ZNF385D: variants seen among roughly 807,000 people sequenced by gnomAD.
ZNF385D encodes zinc finger protein 385D, also known as zinc finger protein 659.
A neutral mutation model predicts 35.8 loss-of-function variants in ZNF385D; 15 were observed. That is an observed-to-expected ratio of 0.42 (90% CI 0.28 to 0.64). The LOEUF is 0.64. Among genes scored for constraint, ZNF385D ranks in the 30% least tolerant of loss-of-function variants. ZNF385D has a pLI of 0.23. For synonymous variants in ZNF385D, 212 were observed against 186.8 expected (o/e 1.13, Z -1.10); for missense variants, 474 against 494.6 (o/e 0.96, Z 0.39).
chr3:22,099,313 G>A (rs1247034943), intron 3 of ZNF385D, among the ~76,000 whole-genome samples: 1 of 152,068 alleles, frequency 6.6e-6, no homozygotes. Context: ...ATAACTTGAG[G>A]AAAGGGCTGA....
chr3:22,046,915 T>C (rs1275074588), intron 3 of ZNF385D, among the ~76,000 whole-genome samples: 1 of 152,144 alleles, frequency 6.6e-6, no homozygotes, highest in Non-Finnish European at 1.5e-5. Flanking sequence ...TATACTATAC[T>C]ATATAAGATT....
At chr3:21,930,353 T>TA (rs1700943150) in intron 3 of ZNF385D, among the ~76,000 whole-genome samples, 1 of 148,426 alleles carries the variant, frequency 6.7e-6, no homozygotes, top group Non-Finnish European at 1.5e-5. Context: ...GAAGAATATA[T>TA]AAAAGAACTT....
chr3:22,147,684 A>AATG (rs1704948209), intron 3 of ZNF385D, among the ~76,000 whole-genome samples: 2 of 152,214 alleles, frequency 1.3e-5, no homozygotes, highest in South Asian at 4.1e-4. Flanking sequence ...AGTCAAGGAT[A>AATG]CTGAGGCCCA....
chr3:21,767,811 G>A (rs890736542), intron 3 of ZNF385D, among the ~76,000 whole-genome samples: 1 of 151,910 alleles, frequency 6.6e-6, no homozygotes. Context: ...CCGTTCTTTT[G>A]GAACGCTTTA....
intron 3 of ZNF385D, among the ~76,000 whole-genome samples, chr3:21,980,826 C>A (rs1381926635): frequency 1.3e-5 from 2 of 152,106 alleles, no homozygotes; most frequent in African/African-American, 4.8e-5. Context: ...ATTTGGTTTT[C>A]TGTTCTTGAG....
intron 3 of ZNF385D, among the ~76,000 whole-genome samples, chr3:21,814,999 T>C (rs1410827166): frequency 6.6e-6 from 1 of 152,142 alleles, no homozygotes; most frequent in Non-Finnish European, 1.5e-5. Flanking sequence ...GACCACAGTG[T>C]AGTCAAATTA....
intron 2 of ZNF385D, among the ~76,000 whole-genome samples, chr3:22,218,100 A>G (rs1164509336): frequency 6.6e-6 from 1 of 152,138 alleles, no homozygotes; most frequent in Non-Finnish European, 1.5e-5. Flanking sequence ...AACTTCATAT[A>G]AATCATTCAA....
At chr3:22,025,723 T>G (rs778176126) in intron 3 of ZNF385D, among the ~76,000 whole-genome samples, 5 of 152,122 alleles carry the variant, frequency 3.3e-5, no homozygotes, top group Non-Finnish European at 5.9e-5. Flanking sequence ...ATCCAAAGGC[T>G]TAGGGAGATT....
At chr3:22,328,127 T>A (rs1694763076) in intron 2 of ZNF385D, among the ~76,000 whole-genome samples, 1 of 152,166 alleles carries the variant, frequency 6.6e-6, no homozygotes, top group South Asian at 2.1e-4. Context: ...CTTATTCCAT[T>A]TACATACAGT....
intron 2 of ZNF385D, among the ~76,000 whole-genome samples, chr3:22,291,926 C>T (rs1010805999): frequency 9.2e-5 from 14 of 151,910 alleles, no homozygotes; most frequent in Admixed American, 8.5e-4. Flanking sequence ...TTATCTTTCT[C>T]TTATTTTGGT....
intron 3 of ZNF385D, among the ~76,000 whole-genome samples, chr3:22,009,764 G>A (rs1379607308): frequency 1.3e-5 from 2 of 152,170 alleles, no homozygotes; most frequent in Middle Eastern, 3.4e-3. Flanking sequence ...CTGGATAGTA[G>A]TCACTTCTGG....
chr3:22,047,586 G>T (rs1449176344), intron 3 of ZNF385D, among the ~76,000 whole-genome samples: 1 of 152,126 alleles, frequency 6.6e-6, no homozygotes, highest in Non-Finnish European at 1.5e-5. Context: ...TTTCCTTCCT[G>T]TTTAATGCTG....
intron 3 of ZNF385D, among the ~76,000 whole-genome samples, chr3:22,032,722 G>C (rs931439096): frequency 6.6e-6 from 1 of 152,144 alleles, no homozygotes; most frequent in Non-Finnish European, 1.5e-5. Context: ...TTAGGTAAAT[G>C]GTAACTTATG....
intron 2 of ZNF385D, among the ~76,000 whole-genome samples, chr3:22,331,857 T>G (rs1323237241): frequency 1.3e-5 from 2 of 152,186 alleles, no homozygotes; most frequent in Non-Finnish European, 2.9e-5. Context: ...CTGACATCAT[T>G]TGAGTTTAGG....
chr3:21,451,348 T>A (rs111976576), intron 4 of ZNF385D, among the ~76,000 whole-genome samples: 5 of 152,128 alleles, frequency 3.3e-5, no homozygotes, highest in Admixed American at 3.3e-4. Context: ...AATGAATAAA[T>A]GCCAAGTAGT....
intron 3 of ZNF385D, among the ~76,000 whole-genome samples, chr3:21,876,712 A>T (rs1305405825): frequency 6.6e-6 from 1 of 151,692 alleles, no homozygotes; most frequent in Admixed American, 6.6e-5. Flanking sequence ...TTTTTTTACC[A>T]ATTAAAGTTA....
upstream of ZNF385D, chr3:21,751,316 G>A (rs1033615819): frequency 3.3e-5 from 35 of 1,073,554 alleles, no homozygotes; most frequent in African/African-American, 3.7e-4. Context: ...ATGGCTCTCG[G>A]GAAGCTTTGA....
rs192659094 is a variant in ZNF385D at position 21,599,468 on chromosome 3, A to G, written c.166-34784T>C. On this transcript the variant is annotated intron_variant, in intron 2 of 7. Coordinates refer to ENST00000281523, the MANE Select transcript of ZNF385D (RefSeq NM_024697.3). ...TTTTCCAAAGTTTGCATAGGAGACAATTTCTCCAGGTGAATAGTAATAGCT... is the reference window on the plus strand; with the variant it reads ...TTTTCCAAAGTTTGCATAGGAGACAGTTTCTCCAGGTGAATAGTAATAGCT... Among the ~76,000 whole-genome samples, 8 of 152,306 alleles carry G rather than the reference A, an allele frequency of 5.3e-5. 1 individual carries two copies. The highest frequency in any genetic ancestry group is 1.7e-4 in the African/African-American group (7 of 41,566).
chr3:21,908,158 CTATCTATCTATCTATA>C (rs1390266615), intron 3 of ZNF385D, among the ~76,000 whole-genome samples: 3 of 112,348 alleles, frequency 2.7e-5, no homozygotes, highest in African/African-American at 1.0e-4. Flanking sequence ...ATCTATCTAT[CTATCTATCTATCTATA>C]TATGTATAAA....
Sources: allele counts gnomAD v4.1 joint callset (sites outside exome capture counted in the v4.1 genomes callset), GRCh38; gene constraint gnomAD v4.1.1; transcripts MANE v1.5; gene names NCBI Gene and HGNC (gene_info 2026-07-23, HGNC 2026-07-21).